Variants in FSTL5 observed in about 807,000 individuals in gnomAD.
The protein encoded by FSTL5 is follistatin like 5, also known as follistatin-related protein 5.
FSTL5 carries 62 observed loss-of-function variants against 89.1 expected under a neutral mutation model. The observed-to-expected ratio is 0.70, with a 90% CI of 0.57 to 0.86. The LOEUF (loss-of-function observed/expected upper bound fraction) is 0.86, where lower values mean the gene tolerates loss of function less well. Ranked by LOEUF, FSTL5 falls within the 40% of genes least tolerant of loss-of-function variation. The pLI, the probability that FSTL5 is intolerant of heterozygous loss-of-function variation, is 0.00. For synonymous variants in FSTL5, 383 were observed against 346.2 expected (o/e 1.11, Z -1.18); for missense variants, 1,057 against 1,001.6 (o/e 1.06, Z -0.75).
Position 161,658,865 on chromosome 4 carries a change from C to T in FSTL5, c.728-2371G>A, listed in dbSNP as rs538191599. 3.9e-5 allele frequency among the ~76,000 whole-genome samples: 6 copies of T among 152,234 alleles called. No individual in the cohort carries two copies. The South Asian group carries it at 1.2e-3, about 32-fold the overall frequency. On this transcript the variant is annotated intron_variant, in intron 6 of 15. Coordinates refer to ENST00000306100, the MANE Select transcript of FSTL5 (RefSeq NM_020116.5). ...AGAGGAGATAATGGGACATCTGGTT[C>T]TAAAAACAGCATGTAAACATTGGCT...
At chr4:161,444,642 A>G (rs1732883867) in intron 15 of FSTL5, among the ~76,000 whole-genome samples, 1 of 151,940 alleles carries the variant, frequency 6.6e-6, no homozygotes, top group Non-Finnish European at 1.5e-5. Flanking sequence ...TTCTGCAAGT[A>G]AATACAGATA....
intron 7 of FSTL5, among the ~76,000 whole-genome samples, chr4:161,626,171 A>G (rs1025280193): frequency 3.9e-5 from 6 of 152,158 alleles, no homozygotes; most frequent in Non-Finnish European, 7.4e-5. Flanking sequence ...AATATTTTTA[A>G]TGTAGACAAA....
Position 161,409,939 on chromosome 4 carries a change from C to T in FSTL5, c.1842-23490G>A, listed in dbSNP as rs1430009510. ...TGGCCACTTAAAAGACACAGAGTAG[C>T]ACGTTGCATAAAAAAACAAGACCCA... On this transcript the variant is annotated intron_variant, in intron 15 of 15. Transcript: ENST00000306100. Among the ~76,000 whole-genome samples the T allele has an allele frequency of 3.9e-5, 6 of 152,056 alleles. No individual in the cohort carries two copies. In the East Asian group the frequency reaches 9.6e-4, roughly 24 times the overall value.
At chr4:161,730,591 C>T (rs1739575083) in intron 6 of FSTL5, among the ~76,000 whole-genome samples, 1 of 152,072 alleles carries the variant, frequency 6.6e-6, no homozygotes, top group Non-Finnish European at 1.5e-5. Context: ...AAAGCTAGTA[C>T]AGAACATTTG....
chr4:161,667,934 T>C (rs989893288), intron 6 of FSTL5, among the ~76,000 whole-genome samples: 2 of 151,688 alleles, frequency 1.3e-5, no homozygotes, highest in African/African-American at 4.8e-5. Context: ...AGATGAAAGA[T>C]TGGAAATCAA....
intron 7 of FSTL5, among the ~76,000 whole-genome samples, chr4:161,597,904 T>A (rs531174898): frequency 7.9e-4 from 120 of 152,040 alleles, no homozygotes; most frequent in Non-Finnish European, 1.4e-3. Flanking sequence ...CACAAAAAGA[T>A]CACAAATACA....
At chr4:161,636,797 AT>A (rs1360476995) in intron 7 of FSTL5, among the ~76,000 whole-genome samples, 1 of 140,432 alleles carries the variant, frequency 7.1e-6, no homozygotes, top group African/African-American at 2.8e-5. Context: ...TGAACTCATC[AT>A]TTTTTATGGC....
chr4:161,469,098 T>C (rs1347806187), intron 13 of FSTL5, among the ~76,000 whole-genome samples: 2 of 152,200 alleles, frequency 1.3e-5, no homozygotes, highest in Non-Finnish European at 2.9e-5. Context: ...TTCCTAGCCC[T>C]GGAAACTACT....
intron 3 of FSTL5, among the ~76,000 whole-genome samples, chr4:162,019,770 CTG>C (rs10610828): frequency 0.35 from 51,879 of 147,898 alleles, 9,958 homozygotes; most frequent in Non-Finnish European, 0.45. Context: ...CTCTCTTTCT[CTG>C]TGTGTGTGTG....
chr4:162,129,278 A>ATTAGTTTTAGTTTTGTTCAAG (rs1465867420), intron 1 of FSTL5, among the ~76,000 whole-genome samples: 149 of 152,146 alleles, frequency 9.8e-4, no homozygotes, highest in African/African-American at 3.2e-3. Flanking sequence ...GTTTTGTTCA[A>ATTAGTTTTAGTTTTGTTCAAG]ATCCACACCT....
At chr4:161,961,785 A>G (rs1735185745) in intron 3 of FSTL5, among the ~76,000 whole-genome samples, 1 of 151,788 alleles carries the variant, frequency 6.6e-6, no homozygotes, top group African/African-American at 2.4e-5. Flanking sequence ...ATACCTGAAT[A>G]ATCATTTAAA....
chr4:161,540,097 A>G (rs1300790773), intron 9 of FSTL5, among the ~76,000 whole-genome samples: 1 of 151,962 alleles, frequency 6.6e-6, no homozygotes, highest in Non-Finnish European at 1.5e-5. Context: ...TTACCACTTT[A>G]TTGCCAGAAC....
At chr4:162,114,836 C>T (rs901028065) in intron 1 of FSTL5, among the ~76,000 whole-genome samples, 6 of 152,104 alleles carry the variant, frequency 3.9e-5, no homozygotes, top group African/African-American at 1.4e-4. Flanking sequence ...TTTTCATCTA[C>T]ATCTCTTATA....
intron 6 of FSTL5, among the ~76,000 whole-genome samples, chr4:161,725,012 T>C (rs989687426): frequency 6.6e-6 from 1 of 152,056 alleles, no homozygotes; most frequent in African/African-American, 2.4e-5. Context: ...CTGGCCAACA[T>C]GGTGAAACTC....
intron 5 of FSTL5, among the ~76,000 whole-genome samples, chr4:161,760,070 C>G (rs1579072835): frequency 6.6e-6 from 1 of 152,044 alleles, no homozygotes; most frequent in East Asian, 1.9e-4. Flanking sequence ...GCATGAATTC[C>G]CTTGGTCACA....
At chr4:161,539,457 A>T (rs555901097) in intron 9 of FSTL5, among the ~76,000 whole-genome samples, 86 of 152,218 alleles carry the variant, frequency 5.6e-4, no homozygotes, top group African/African-American at 2.0e-3. Flanking sequence ...AATAACTTGA[A>T]GTTGTTTCTT....
chr4:161,794,402 G>A (rs2126823335), intron 4 of FSTL5, among the ~76,000 whole-genome samples: 1 of 152,244 alleles, frequency 6.6e-6, no homozygotes, highest in Middle Eastern at 3.4e-3. Flanking sequence ...ACTCACATTG[G>A]CCTAGTAGAT....
rs1041950497 is a variant in FSTL5 at position 161,573,748 on chromosome 4, A to G, written c.1015+13707T>C. On this transcript the variant is annotated intron_variant, in intron 8 of 15. Transcript: ENST00000306100. ...AACTCCAGCTCAAAAAAAAAAAAAA[A>G]AAAAAAAAAGAAAAGAAAATGAAAG... Among the ~76,000 whole-genome samples the G allele has an allele frequency of 2.1e-4, 30 of 146,122 alleles. 1 individual carries two copies. Among genetic ancestry groups the G allele is most frequent in the African/African-American group, 6.0e-4 (24 of 40,066 alleles).
intron 2 of FSTL5, among the ~76,000 whole-genome samples, chr4:162,058,797 T>C (rs1738635338): frequency 6.6e-6 from 1 of 152,056 alleles, no homozygotes. Context: ...GATTTCAAAA[T>C]TATAACAAGG....
Sources: gnomAD v4.1 joint callset for allele counts (sites outside exome capture counted in the v4.1 genomes callset) on GRCh38, gnomAD v4.1.1 for gene constraint, MANE v1.5 for transcripts, NCBI Gene and HGNC (gene_info 2026-07-23, HGNC 2026-07-21) for gene names.